The following DMD variants were observed in gnomAD, a reference collection of about 807,000 sequenced individuals.
The protein encoded by DMD is dystrophin, also known as mutant dystrophin.
DMD carries 63 observed loss-of-function variants against 330.1 expected under a neutral mutation model. That is an observed-to-expected ratio of 0.19 (90% CI 0.16 to 0.24). The LOEUF is 0.24. Among genes scored for constraint, DMD ranks in the 10% least tolerant of loss-of-function variants. The pLI, the probability that DMD is intolerant of heterozygous loss-of-function variation, is 1.00. For synonymous variants in DMD, 1,223 were observed against 959.8 expected (o/e 1.27, Z -5.07); for missense variants, 3,344 against 2,684.1 (o/e 1.25, Z -5.43).
chrX:32,266,973 A>T (rs1372224577), intron 43 of DMD, among the ~76,000 whole-genome samples: 2 of 112,036 alleles, frequency 1.8e-5, no homozygotes, highest in Non-Finnish European at 3.8e-5. Flanking sequence ...TGGGGCTGGA[A>T]GTAATTCCAG....
chrX:31,983,317 T>C (rs2082652459), intron 44 of DMD, among the ~76,000 whole-genome samples: 1 of 111,240 alleles, frequency 9.0e-6, no homozygotes, highest in Non-Finnish European at 1.9e-5. Flanking sequence ...TCCTCATCCT[T>C]GGCCTTAATA....
chrX:32,181,291 G>T (rs762750095), intron 44 of DMD, among the ~76,000 whole-genome samples: 2 of 111,828 alleles, frequency 1.8e-5, no homozygotes, highest in Admixed American at 9.5e-5. Flanking sequence ...CGAGGAAGCT[G>T]TTGTTCTTTA....
At chrX:31,433,302 T>TG (rs1190727252) in intron 60 of DMD, among the ~76,000 whole-genome samples, 2 of 111,897 alleles carry the variant, frequency 1.8e-5, no homozygotes, top group African/African-American at 3.2e-5. Context: ...CCACCATTGA[T>TG]GGGCACCTAG....
intron 1 of DMD, among the ~76,000 whole-genome samples, chrX:33,200,680 A>G (rs1366372269): frequency 9.0e-6 from 1 of 111,101 alleles, no homozygotes; most frequent in Non-Finnish European, 1.9e-5. Flanking sequence ...TATAAAAACA[A>G]TGTATATTTG....
At chrX:31,264,214 C>A (rs768995280) in intron 62 of DMD, among the ~76,000 whole-genome samples, 1 of 112,060 alleles carries the variant, frequency 8.9e-6, no homozygotes, top group African/African-American at 3.2e-5. Context: ...GAGAAGAGCC[C>A]ACATTTACCT....
At chrX:33,165,398 T>G (rs2049000267) in intron 1 of DMD, among the ~76,000 whole-genome samples, 1 of 111,595 alleles carries the variant, frequency 9.0e-6, no homozygotes, top group South Asian at 3.7e-4. Context: ...CAAAAAACTC[T>G]TTGGTGGCTT....
intron 53 of DMD, among the ~76,000 whole-genome samples, chrX:31,666,244 G>A (rs1209928509): frequency 9.0e-6 from 1 of 111,416 alleles, no homozygotes; most frequent in Non-Finnish European, 1.9e-5. Flanking sequence ...ATTATACATC[G>A]GCATTCCCAT....
intron 30 of DMD, among the ~76,000 whole-genome samples, chrX:32,408,795 T>C (rs1436064138): frequency 8.9e-6 from 1 of 111,891 alleles, no homozygotes; most frequent in Non-Finnish European, 1.9e-5. Context: ...TGCAAATTTA[T>C]AGAAACACAT....
intron 2 of DMD, among the ~76,000 whole-genome samples, chrX:32,945,633 G>T (rs1569544773): frequency 9.0e-6 from 1 of 111,263 alleles, no homozygotes; most frequent in Non-Finnish European, 1.9e-5. Context: ...TCACAGAGTT[G>T]GCTCTTGTTT....
intron 7 of DMD, among the ~76,000 whole-genome samples, chrX:32,806,000 C>G (rs768061274): frequency 8.9e-6 from 1 of 111,763 alleles, no homozygotes; most frequent in African/African-American, 3.3e-5. Flanking sequence ...TAAACACCAT[C>G]GACACCATGA....
At chrX:32,730,609 T>C (rs1172940279) in intron 7 of DMD, among the ~76,000 whole-genome samples, 1 of 111,986 alleles carries the variant, frequency 8.9e-6, no homozygotes, top group Non-Finnish European at 1.9e-5. Context: ...TAGTAAGAGA[T>C]AAGACTAAAA....
At chrX:33,158,084 G>A (rs1477621373) in intron 1 of DMD, among the ~76,000 whole-genome samples, 1 of 111,977 alleles carries the variant, frequency 8.9e-6, no homozygotes, top group East Asian at 2.8e-4. Context: ...ATTTAGATCA[G>A]GCATAATTAT....
chrX:31,451,120 ACTTTT>A (rs745756340), intron 59 of DMD, among the ~76,000 whole-genome samples: 93 of 85,031 alleles, frequency 1.1e-3, no homozygotes, highest in African/African-American at 3.1e-3. Context: ...TTTTCAGGAG[ACTTTT>A]CTTTTCTTTT....
intron 51 of DMD, among the ~76,000 whole-genome samples, chrX:31,771,863 G>C: frequency 9.0e-6 from 1 of 111,278 alleles, no homozygotes; most frequent in Non-Finnish European, 1.9e-5. Context: ...CAAATCAGTA[G>C]TCCTTTCTGA....
At chrX:32,617,441 T>G (rs1602201552) in intron 11 of DMD, among the ~76,000 whole-genome samples, 1 of 111,124 alleles carries the variant, frequency 9.0e-6, no homozygotes, top group East Asian at 2.9e-4. Flanking sequence ...TGGACATGGG[T>G]GTCAAGAACA....
At chrX:31,756,494 A>G (rs2089105448) in intron 51 of DMD, among the ~76,000 whole-genome samples, 1 of 112,134 alleles carries the variant, frequency 8.9e-6, no homozygotes, top group Non-Finnish European at 1.9e-5. Flanking sequence ...ACACACGCGC[A>G]TGCACGCGCA....
intron 12 of DMD, among the ~76,000 whole-genome samples, chrX:32,601,286 T>A (rs778743921): frequency 8.9e-6 from 1 of 112,214 alleles, no homozygotes; most frequent in Non-Finnish European, 1.9e-5. Flanking sequence ...ATAATCTTCC[T>A]CAACAGGCTA....
At chrX:33,084,998 T>G (rs2094984100) in intron 1 of DMD, among the ~76,000 whole-genome samples, 1 of 108,160 alleles carries the variant, frequency 9.2e-6, no homozygotes, top group Non-Finnish European at 1.9e-5. Flanking sequence ...GGGGTGGGGG[T>G]GGTGAGTTAA....
rs778177237 is a variant in DMD at position 31,216,876 on chromosome X, C to A, written c.9361+6171G>T. Among the ~76,000 whole-genome samples the A allele has an allele frequency of 7.2e-5, 8 of 111,736 alleles. No individual in the cohort carries two copies. In the South Asian group the frequency reaches 2.7e-3, roughly 37 times the overall value. On this transcript the variant is annotated intron_variant, in intron 64 of 78. Coordinates refer to ENST00000357033, the MANE Select transcript of DMD (RefSeq NM_004006.3). ...CTATTCACACAACTCCAGCCTGTAC[C>A]AAATCTCTATAATGTGTGCTTTAGT...
Sources: allele counts gnomAD v4.1 joint callset (sites outside exome capture counted in the v4.1 genomes callset), GRCh38; gene constraint gnomAD v4.1.1; transcripts MANE v1.5; gene names NCBI Gene and HGNC (gene_info 2026-07-23, HGNC 2026-07-21).